CNOT6L: variants seen among roughly 807,000 people sequenced by gnomAD.
CNOT6L encodes CCR4-NOT transcription complex subunit 6 like.
CNOT6L carries 7 observed loss-of-function variants against 64.0 expected under a neutral mutation model. That is an observed-to-expected ratio of 0.11 (90% CI 0.06 to 0.21). CNOT6L has a LOEUF of 0.21. Ranked by LOEUF, CNOT6L falls within the 10% of genes least tolerant of loss-of-function variation. The pLI is 1.00. For synonymous variants in CNOT6L, 193 were observed against 243.4 expected (o/e 0.79, Z 1.93); for missense variants, 245 against 669.0 (o/e 0.37, Z 6.99).
intron 1 of CNOT6L, 24 bp from the exon 2 acceptor site, chr4:77,776,416 G>C: frequency 6.9e-7 from 1 of 1,441,028 alleles, no homozygotes; most frequent in East Asian, 2.3e-5. Context: ...AAAAGGAGGA[G>C]ATCAATAATT....
chr4:77,770,387 A>G (rs1430005697), intron 4 of CNOT6L, among the ~76,000 whole-genome samples: 1 of 152,192 alleles, frequency 6.6e-6, no homozygotes, highest in African/African-American at 2.4e-5. Context: ...GGCTAATAAA[A>G]CTGACTTTGA....
At position 77,713,870 on chromosome 4, in the gene CNOT6L, A is replaced by C. The variant is rs1720446492; in HGVS notation, c.*6561T>G. 1 of 152,622 alleles carries C rather than the reference A, an allele frequency of 6.6e-6. No individual in the cohort carries two copies. The allele number at this position is 152,622 out of a possible 1,614,324, so 9.5% of individuals were successfully genotyped here. ...AGTGTTAAATGGTTAAAACACCTAC[A>C]GAACCAGTCTATTAAACATTAAACA... On this transcript the variant is annotated 3_prime_UTR_variant, in exon 12 of 12. Transcript: ENST00000504123.
intron 7 of CNOT6L, among the ~76,000 whole-genome samples, chr4:77,743,586 C>CTTTTTTTTTTTTTTT (rs142888128): frequency 1.4e-5 from 1 of 70,872 alleles, no homozygotes; most frequent in African/African-American, 6.8e-5. Context: ...TAACACACAA[C>CTTTTTTTTTTTTTTT]TTTTTTTTTT....
intron 5 of CNOT6L, among the ~76,000 whole-genome samples, chr4:77,755,670 CT>C (rs1725483385): frequency 6.6e-6 from 1 of 152,084 alleles, no homozygotes; most frequent in African/African-American, 2.4e-5. Flanking sequence ...TAGCCATAAA[CT>C]TTTCAGATAA....
chr4:77,751,600 G>C (rs1272303387), intron 5 of CNOT6L, among the ~76,000 whole-genome samples: 1 of 152,190 alleles, frequency 6.6e-6, no homozygotes, highest in Non-Finnish European at 1.5e-5. Flanking sequence ...AAGACAGATC[G>C]TAACTAAACT....
rs190892200 is a variant in CNOT6L, at chr4:77,741,221, T to C, written c.872+920A>G. Among the ~76,000 whole-genome samples, 355 of 152,300 alleles carry C rather than the reference T, an allele frequency of 2.3e-3. 3 individuals are homozygous for C. Among genetic ancestry groups the C allele is most frequent in the Middle Eastern group, 6.8e-3 (2 of 294 alleles). ...CAAATTCATGGAAAAGACAGGAAAGTAGGCATAGATAAATGGGAAGTGGAC... is the reference window on the plus strand; with the variant it reads ...CAAATTCATGGAAAAGACAGGAAAGCAGGCATAGATAAATGGGAAGTGGAC... On this transcript the variant is annotated intron_variant, in intron 8 of 11. Transcript: ENST00000504123.
intron 1 of CNOT6L, among the ~76,000 whole-genome samples, chr4:77,801,945 T>G (rs554515236): frequency 6.6e-6 from 1 of 152,172 alleles, no homozygotes; most frequent in Non-Finnish European, 1.5e-5. Flanking sequence ...ATGAGAAAAA[T>G]GTAAACAATG....
chr4:77,726,536 C>A (rs1055734581), intron 10 of CNOT6L, among the ~76,000 whole-genome samples, 167 bp from the exon 11 acceptor site: 1 of 152,124 alleles, frequency 6.6e-6, no homozygotes, highest in Non-Finnish European at 1.5e-5. Flanking sequence ...AATCAAATAC[C>A]AGCCATTTCA....
In CNOT6L at chr4:77,731,529, C is replaced by A; in HGVS notation, c.882G>T (p.Leu294Phe). The change falls in exon 9 of 12, where the codon TTG becomes TTT. Residue 294 changes from leucine to phenylalanine, a missense_variant. By Grantham distance (22) the Leu-to-Phe change is conservative. This residue lies in a region of CNOT6L where 94 missense variants were observed against 290.9 expected (regional missense o/e 0.32). Coordinates refer to ENST00000504123, the MANE Select transcript of CNOT6L (RefSeq NM_144571.3). ...AIFFKTEKFT[L>F]VQKHTVEFNQ... Reference sequence around the variant, plus strand: ...TAAATTCCACTGTATGCTTCTGCACCAATGTAAATCTAAAAGGTACATTAT... The same window carrying A: ...TAAATTCCACTGTATGCTTCTGCACAAATGTAAATCTAAAAGGTACATTAT... 6.4e-7 allele frequency: 1 copy of A among 1,566,192 alleles called. No homozygotes were observed. The highest frequency in any genetic ancestry group is 8.6e-7 in the Non-Finnish European group (1 of 1,161,294).
intron 1 of CNOT6L, among the ~76,000 whole-genome samples, chr4:77,811,998 C>A (rs1021623564): frequency 2.0e-5 from 3 of 152,022 alleles, no homozygotes; most frequent in Non-Finnish European, 4.4e-5. Context: ...CTTGACATTT[C>A]TTTTCAGTAA....
chr4:77,779,211 G>A (rs564471596), intron 1 of CNOT6L, among the ~76,000 whole-genome samples: 54 of 151,718 alleles, frequency 3.6e-4, no homozygotes, highest in African/African-American at 1.3e-3. Context: ...TACAGTTCCC[G>A]CCACATAGGA....
chr4:77,721,997 AAAG>A lies in CNOT6L; in HGVS notation c.1456-1357_1456-1355del, dbSNP rs562228477. 2.1e-3 allele frequency among the ~76,000 whole-genome samples: 319 copies of A among 152,058 alleles called. 3 individuals carry two copies. Among genetic ancestry groups the A allele is most frequent in the African/African-American group, 7.0e-3 (292 of 41,504 alleles). ...TAATAATAAAAGAAAAGAAAAAAAA[AAAG>A]AAGCCCTTATCCAACCTTACTTTAC... On this transcript the variant is annotated intron_variant, in intron 11 of 11. Transcript: ENST00000504123.
chr4:77,819,375 A>ACG (rs747058020), upstream of CNOT6L: 296 of 1,569,384 alleles, frequency 1.9e-4, no homozygotes, highest in East Asian at 6.4e-4. Flanking sequence ...ACACACAAAC[A>ACG]CGCGCGCGCG....
chr4:77,722,020 C>T (rs1396550525), intron 11 of CNOT6L, among the ~76,000 whole-genome samples: 1 of 151,602 alleles, frequency 6.6e-6, no homozygotes, highest in Non-Finnish European at 1.5e-5. Flanking sequence ...TCCAACCTTA[C>T]TTTACCACAA....
chr4:77,779,064 A>C (rs200684675), intron 1 of CNOT6L, among the ~76,000 whole-genome samples: 1 of 79,234 alleles, frequency 1.3e-5, no homozygotes, highest in African/African-American at 4.9e-5. Flanking sequence ...AAAAAAAAAC[A>C]AAAAAAAAAC....
At position 77,716,796 on chromosome 4, in the gene CNOT6L, G is replaced by A. The variant is rs1383345398; in HGVS notation, c.*3635C>T. The A allele has an allele frequency of 6.6e-6, 1 of 152,472 alleles. No homozygotes were observed. The highest frequency in any genetic ancestry group is 2.4e-5 in the African/African-American group (1 of 41,404). The allele number at this position is 152,472 out of a possible 1,614,324, so 9.4% of individuals were successfully genotyped here. A position where few individuals can be genotyped will look rare whatever the true frequency, so the allele number is the denominator to read the frequency against. ...TTGCCAACTACACTAAAACACAGTG[G>A]CTTCTTTAATACATTCACACAGGAT... On this transcript the variant is annotated 3_prime_UTR_variant, in exon 12 of 12. Coordinates refer to ENST00000504123, the MANE Select transcript of CNOT6L (RefSeq NM_144571.3).
At chr4:77,721,567 TAAA>T (rs1721276547) in intron 11 of CNOT6L, among the ~76,000 whole-genome samples, 2 of 152,180 alleles carry the variant, frequency 1.3e-5, no homozygotes, top group Non-Finnish European at 2.9e-5. Flanking sequence ...ACTTAAAAAA[TAAA>T]AACTTTTAAT....
At chr4:77,806,145 G>T (rs1732192769) in intron 1 of CNOT6L, among the ~76,000 whole-genome samples, 1 of 152,034 alleles carries the variant, frequency 6.6e-6, no homozygotes, top group Admixed American at 6.6e-5. Context: ...TTAACTTCAG[G>T]CCGGGCACAG....
chr4:77,789,035 C>A (rs1186961877), intron 1 of CNOT6L, among the ~76,000 whole-genome samples: 3 of 152,108 alleles, frequency 2.0e-5, no homozygotes, highest in Non-Finnish European at 2.9e-5. Context: ...TAGTATTTCA[C>A]TACAATGAAG....
Sources: gnomAD v4.1 joint callset for allele counts (sites outside exome capture counted in the v4.1 genomes callset) on GRCh38, gnomAD v4.1.1 for gene constraint, gnomAD v4.1.1 regional missense constraint, MANE v1.5 for transcripts, NCBI Gene and HGNC (gene_info 2026-07-23, HGNC 2026-07-21) for gene names.